Variants in SLC8A1 observed in about 807,000 individuals in gnomAD.
The protein encoded by SLC8A1 is sodium/calcium exchanger 1.
Under a neutral mutation model 68.3 loss-of-function variants are expected in SLC8A1, and 18 were observed. The observed-to-expected ratio is 0.26, with a 90% CI of 0.18 to 0.39. SLC8A1 has a LOEUF of 0.39. Among genes scored for constraint, SLC8A1 ranks in the 10% least tolerant of loss-of-function variants. The pLI, the probability that SLC8A1 is intolerant of heterozygous loss-of-function variation, is 1.00. For missense variants in SLC8A1, 985 were observed against 1,156.7 expected (o/e 0.85, Z 2.15); for synonymous variants, 475 against 415.5 (o/e 1.14, Z -1.74).
intron 2 of SLC8A1, among the ~76,000 whole-genome samples, chr2:40,323,727 C>T (rs558477412): frequency 2.0e-4 from 30 of 152,162 alleles, no homozygotes; most frequent in Admixed American, 4.6e-4. Flanking sequence ...CCTACCCAAA[C>T]GGCTTCCGAG....
intron 2 of SLC8A1, among the ~76,000 whole-genome samples, chr2:40,342,478 T>A (rs148081124): frequency 2.6e-5 from 4 of 151,988 alleles, no homozygotes; most frequent in African/African-American, 7.2e-5. Context: ...ATTCTGATAT[T>A]GAAAAGAATA....
chr2:40,455,755 T>G (rs1702965131), upstream of SLC8A1, among the ~76,000 whole-genome samples: 1 of 152,224 alleles, frequency 6.6e-6, no homozygotes, highest in African/African-American at 2.4e-5. Flanking sequence ...TCCTCTTCCC[T>G]GGAGACTTGT....
At chr2:40,178,544 GAAGGAACATAGAGAAGAGGA>G in intron 2 of SLC8A1, 51 bp from the exon 3 acceptor site, 1 of 1,474,024 alleles carries the variant, frequency 6.8e-7, no homozygotes, top group South Asian at 1.1e-5. Context: ...AAAGAGAAGA[GAAGGAACATAGAGAAGAGGA>G]AAGCAAGGTT....
chr2:40,300,706 A>C (rs1264936267), intron 2 of SLC8A1, among the ~76,000 whole-genome samples: 1 of 152,122 alleles, frequency 6.6e-6, no homozygotes, highest in African/African-American at 2.4e-5. Context: ...TGGCCCTAAG[A>C]ATGACAAGCC....
chr2:40,455,726 G>A (rs1285808896), upstream of SLC8A1, among the ~76,000 whole-genome samples: 1 of 152,174 alleles, frequency 6.6e-6, no homozygotes, highest in Non-Finnish European at 1.5e-5. Flanking sequence ...ATTCTTTGTT[G>A]ACTTCTAAGT....
upstream of SLC8A1, among the ~76,000 whole-genome samples, chr2:40,453,992 C>T (rs1702837723): frequency 6.6e-6 from 1 of 152,200 alleles, no homozygotes; most frequent in Non-Finnish European, 1.5e-5. Context: ...TTCTTGGAAG[C>T]TACTTTCCAC....
At chr2:40,382,810 T>C (rs998150085) in intron 2 of SLC8A1, among the ~76,000 whole-genome samples, 2 of 152,150 alleles carry the variant, frequency 1.3e-5, no homozygotes, top group South Asian at 2.1e-4. Flanking sequence ...TTAGTTAAAA[T>C]AGAATGTCTA....
At chr2:40,461,745 C>G (rs1243499603) in intron 1 of SLC8A1, among the ~76,000 whole-genome samples, 1 of 152,010 alleles carries the variant, frequency 6.6e-6, no homozygotes, top group East Asian at 1.9e-4. Flanking sequence ...TTCAGAAGAA[C>G]ATTGTTTTGT....
chr2:40,249,839 G>A (rs969157732), intron 2 of SLC8A1, among the ~76,000 whole-genome samples: 1 of 152,148 alleles, frequency 6.6e-6, no homozygotes, highest in Non-Finnish European at 1.5e-5. Context: ...CACAGGAAGG[G>A]TGTAGACTTC....
At chr2:40,434,583 C>T (rs1699029798) in intron 1 of SLC8A1, among the ~76,000 whole-genome samples, 1 of 152,106 alleles carries the variant, frequency 6.6e-6, no homozygotes, top group South Asian at 2.1e-4. Flanking sequence ...TGCTGCCTGG[C>T]TTTCTTATAT....
chr2:40,332,644 G>C (rs1378795312), intron 2 of SLC8A1, among the ~76,000 whole-genome samples: 1 of 152,158 alleles, frequency 6.6e-6, no homozygotes, highest in Non-Finnish European at 1.5e-5. Context: ...GACAGGGTTG[G>C]CTGAAATCCA....
intron 2 of SLC8A1, chr2:40,337,256 T>C: frequency 3.3e-6 from 1 of 303,326 alleles, no homozygotes; most frequent in Non-Finnish European, 7.3e-6. Context: ...TATTTATACA[T>C]CAAATGTAGT....
chr2:40,414,912 C>T (rs1176346821), intron 2 of SLC8A1, among the ~76,000 whole-genome samples: 1 of 151,914 alleles, frequency 6.6e-6, no homozygotes, highest in African/African-American at 2.4e-5. Flanking sequence ...AGGTATCAAC[C>T]AGAGAAAACT....
intron 2 of SLC8A1, chr2:40,210,121 G>T (rs1558766003): frequency 6.6e-6 from 1 of 152,114 alleles, no homozygotes; most frequent in Non-Finnish European, 1.5e-5. Context: ...TCTATCTTTG[G>T]GGAGGGTTTA....
chr2:40,240,586 C>A (rs1023122059), intron 2 of SLC8A1, among the ~76,000 whole-genome samples: 1 of 152,210 alleles, frequency 6.6e-6, no homozygotes, highest in African/African-American at 2.4e-5. Context: ...CATGAATGTG[C>A]ATTTATGAAC....
intron 1 of SLC8A1, among the ~76,000 whole-genome samples, chr2:40,471,738 TA>T (rs1218650997): frequency 6.6e-6 from 1 of 152,168 alleles, no homozygotes; most frequent in Admixed American, 6.6e-5. Flanking sequence ...GCAATTGCAA[TA>T]AATGGAAACA....
In SLC8A1 at chr2:40,252,824, G is replaced by A. The variant is rs1194199581; in HGVS notation, c.1809-74969C>T. Among the ~76,000 whole-genome samples the A allele has an allele frequency of 2.9e-3, 401 of 136,908 alleles. 5 individuals are homozygous for A. Among genetic ancestry groups the A allele is most frequent in the Admixed American group, 5.7e-3 (76 of 13,260 alleles). 89.8% of individuals were successfully genotyped at this position (136,908 alleles called of 152,430 possible). ...TATATATGTACATATACATATATAT[G>A]TATATACATGTGTATACATATATGT... On this transcript the variant is annotated intron_variant, in intron 2 of 7. Transcript: ENST00000406785.
chr2:40,295,857 A>C (rs2070274381), intron 2 of SLC8A1, among the ~76,000 whole-genome samples: 1 of 152,154 alleles, frequency 6.6e-6, no homozygotes, highest in Non-Finnish European at 1.5e-5. Context: ...TATCATTAAA[A>C]CTGAAGGCCA....
At chr2:40,134,575 C>T in intron 7 of SLC8A1, among the ~76,000 whole-genome samples, 1 of 152,182 alleles carries the variant, frequency 6.6e-6, no homozygotes, top group Non-Finnish European at 1.5e-5. Flanking sequence ...AACTTTTGTC[C>T]CTTCTTACTA....
Sources: gnomAD v4.1 joint callset for allele counts (sites outside exome capture counted in the v4.1 genomes callset) on GRCh38, gnomAD v4.1.1 for gene constraint, MANE v1.5 for transcripts, NCBI Gene and HGNC (gene_info 2026-07-23, HGNC 2026-07-21) for gene names.